GRM3: variants seen among roughly 807,000 people sequenced by gnomAD.
GRM3 encodes the protein metabotropic glutamate receptor 3.
GRM3 carries 26 observed loss-of-function variants against 70.5 expected under a neutral mutation model. The observed-to-expected ratio is 0.37, with a 90% CI of 0.27 to 0.51. The LOEUF (loss-of-function observed/expected upper bound fraction) is 0.51. Among genes scored for constraint, GRM3 ranks in the 20% least tolerant of loss-of-function variants. The pLI is 0.93. For missense variants in GRM3, 859 were observed against 1,123.8 expected (o/e 0.76, Z 3.37); for synonymous variants, 443 against 434.9 (o/e 1.02, Z -0.23).
At chr7:86,767,713 A>G (rs1051740303) in intron 2 of GRM3, among the ~76,000 whole-genome samples, 2 of 151,792 alleles carry the variant, frequency 1.3e-5, no homozygotes, top group African/African-American at 4.8e-5. Flanking sequence ...TTCTCACCTT[A>G]GTTTCTCCTA....
At chr7:86,740,359 C>A (rs191126075) in intron 1 of GRM3, among the ~76,000 whole-genome samples, 89 of 152,006 alleles carry the variant, frequency 5.9e-4, no homozygotes, top group Middle Eastern at 3.4e-3. Context: ...CTGGAAAAGT[C>A]AAGGCTGGGG....
chr7:86,644,953 C>T, intron 1 of GRM3, 81 bp downstream of exon 1: 2 of 692,050 alleles, frequency 2.9e-6, no homozygotes, highest in Non-Finnish European at 4.4e-6. Context: ...GTGGGGCAGG[C>T]GCAGCCGGGA....
rs77638124 is a variant in GRM3, at chr7:86,673,060, T to C, written c.-141+28188T>C. On this transcript the variant is annotated intron_variant, in intron 1 of 5. Coordinates refer to ENST00000361669, the MANE Select transcript of GRM3 (RefSeq NM_000840.3). ...TAAGCTGTTATCTATGGGATTGTTA[T>C]CAGGTTTAGGGCTCCAGGTGATCTG... 3.3e-5 allele frequency among the ~76,000 whole-genome samples: 5 copies of C among 152,278 alleles called. No homozygotes were observed. In the East Asian group the frequency reaches 5.8e-4, roughly 18 times the overall value.
chr7:86,722,592 C>T (rs1219833153), intron 1 of GRM3, among the ~76,000 whole-genome samples: 1 of 110,130 alleles, frequency 9.1e-6, no homozygotes, highest in Non-Finnish European at 1.8e-5. Flanking sequence ...GCATCACACA[C>T]TGGGGACTGT....
chr7:86,699,341 T>A (rs1794898959), intron 1 of GRM3, among the ~76,000 whole-genome samples: 1 of 152,076 alleles, frequency 6.6e-6, no homozygotes, highest in South Asian at 2.1e-4. Flanking sequence ...TCAATCCAGA[T>A]GCAGAATCTG....
chr7:86,785,653 T>TA (rs972484373), intron 2 of GRM3, among the ~76,000 whole-genome samples: 16 of 143,912 alleles, frequency 1.1e-4, no homozygotes, highest in Admixed American at 9.9e-4. Context: ...AGCGTATGCC[T>TA]AAAATGTTGG....
At chr7:86,677,994 A>C (rs1480802244) in intron 1 of GRM3, among the ~76,000 whole-genome samples, 1 of 152,042 alleles carries the variant, frequency 6.6e-6, no homozygotes, top group Non-Finnish European at 1.5e-5. Context: ...ATTGAAATGT[A>C]ATAAAGTATT....
chr7:86,850,583 C>G, intron 5 of GRM3, 39 bp downstream of exon 5: 1 of 1,375,580 alleles, frequency 7.3e-7, no homozygotes, highest in Non-Finnish European at 1.0e-6. Flanking sequence ...TCATACATAG[C>G]ATTGTAGTCA....
chr7:86,645,057 T>C (rs1793423942), intron 1 of GRM3, 185 bp downstream of exon 1: 1 of 352,866 alleles, frequency 2.8e-6, no homozygotes, highest in African/African-American at 2.2e-5. Flanking sequence ...GAGTGAGAGT[T>C]TGTGTGTGTG....
intron 1 of GRM3, among the ~76,000 whole-genome samples, chr7:86,655,731 T>C (rs773556337): frequency 3.3e-5 from 5 of 151,830 alleles, no homozygotes; most frequent in Non-Finnish European, 5.9e-5. Flanking sequence ...AAGTTAGGGG[T>C]GGAAGGTAGG....
intron 1 of GRM3, among the ~76,000 whole-genome samples, chr7:86,714,570 T>C (rs1472335072): frequency 6.6e-6 from 1 of 152,040 alleles, no homozygotes; most frequent in Non-Finnish European, 1.5e-5. Context: ...AATACATCTT[T>C]TTAAATACTA....
intron 5 of GRM3, among the ~76,000 whole-genome samples, chr7:86,858,767 C>T (rs1798899523): frequency 6.6e-6 from 1 of 152,126 alleles, no homozygotes; most frequent in African/African-American, 2.4e-5. Flanking sequence ...TCTTGTCTCA[C>T]AAGAAAAGAA....
At chr7:86,732,204 T>C (rs1795750390) in intron 1 of GRM3, among the ~76,000 whole-genome samples, 1 of 152,118 alleles carries the variant, frequency 6.6e-6, no homozygotes, top group African/African-American at 2.4e-5. Context: ...AGAGTATAAA[T>C]GAAAAAGTTT....
At chr7:86,815,986 G>T (rs1350734437) in intron 3 of GRM3, among the ~76,000 whole-genome samples, 2 of 151,882 alleles carry the variant, frequency 1.3e-5, no homozygotes, top group African/African-American at 4.8e-5. Flanking sequence ...GAGATTATTT[G>T]ACTCTATTAT....
Position 86,786,598 on chromosome 7 carries a change from C to T in GRM3, c.806C>T (p.Ala269Val), listed in dbSNP as rs766486979. The change falls in exon 3 of 6, where the codon GCG (alanine) becomes GTG (valine). Residue 269 changes from alanine to valine, a missense_variant. Ala to Val is a moderately conservative substitution (Grantham distance 64). Coordinates refer to ENST00000361669, the MANE Select transcript of GRM3 (RefSeq NM_000840.3). This position sits in a 1 kb window ranked among gnomAD's most constrained non-coding sequence, Gnocchi z 6.0. ...VIRELLQKPN[A>V]RVVVLFMRSD... ...CGAGAACTGTTGCAGAAGCCCAACG[C>T]GCGCGTCGTGGTCCTCTTCATGCGC... The T allele has an allele frequency of 6.2e-7, 1 of 1,613,654 alleles. No individual in the cohort carries two copies. Among genetic ancestry groups the T allele is most frequent in the Non-Finnish European group, 8.5e-7 (1 of 1,180,042 alleles).
At position 86,754,668 on chromosome 7, in the gene GRM3, T is replaced by C. The variant is rs191440600; in HGVS notation, c.-140-10338T>C. Among the ~76,000 whole-genome samples, 95 of 152,282 alleles carry C rather than the reference T, an allele frequency of 6.2e-4. No homozygotes were observed. The East Asian group carries it at 0.016, about 25-fold the overall frequency. On this transcript the variant is annotated intron_variant, in intron 1 of 5. Transcript: ENST00000361669. ...CATAGTAGGTGCCCAATAAATTTTA[T>C]TATCTTTAATGTAAAGGGTATGGGA...
At chr7:86,715,365 C>A (rs1406658992) in intron 1 of GRM3, among the ~76,000 whole-genome samples, 1 of 151,988 alleles carries the variant, frequency 6.6e-6, no homozygotes, top group African/African-American at 2.4e-5. Flanking sequence ...TATTCTACCA[C>A]TTACTGACTC....
rs1377711659 is a variant in GRM3, at chr7:86,864,848, A to T, written c.*493A>T. The T allele has an allele frequency of 6.5e-6, 1 of 152,744 alleles. No individual in the cohort carries two copies. 9.5% of individuals were successfully genotyped at this position (152,744 alleles called of 1,614,324 possible). On this transcript the variant is annotated 3_prime_UTR_variant, in exon 6 of 6. Coordinates refer to ENST00000361669, the MANE Select transcript of GRM3 (RefSeq NM_000840.3). ...AAAGCATCTGTATTAATGTAAAGATACTGAGAATAAAACCTTCAAGGTTTT... is the reference window on the plus strand; with the variant it reads ...AAAGCATCTGTATTAATGTAAAGATTCTGAGAATAAAACCTTCAAGGTTTT...
chr7:86,864,192 G>A (rs138842821), intron 5 of GRM3, 90 bp from the exon 6 acceptor site: 11 of 733,104 alleles, frequency 1.5e-5, no homozygotes, highest in African/African-American at 1.0e-4. Flanking sequence ...CCTTCCCCCC[G>A]AGTCCCCAAA....
Sources: gnomAD v4.1 joint callset for allele counts (sites outside exome capture counted in the v4.1 genomes callset) on GRCh38, gnomAD v4.1.1 for gene constraint, Gnocchi (gnomAD v3.1) non-coding constraint, MANE v1.5 for transcripts, NCBI Gene and HGNC (gene_info 2026-07-23, HGNC 2026-07-21) for gene names.